PITPNC1: variants seen among roughly 807,000 people sequenced by gnomAD.
PITPNC1 encodes the protein cytoplasmic phosphatidylinositol transfer protein 1.
A neutral mutation model predicts 44.7 loss-of-function variants in PITPNC1; 18 were observed. The observed-to-expected ratio is 0.40, with a 90% confidence interval of 0.28 to 0.60. PITPNC1 has a LOEUF of 0.60. Among genes scored for constraint, PITPNC1 ranks in the 20% least tolerant of loss-of-function variants. The pLI is 0.39. For missense variants in PITPNC1, 290 were observed against 418.4 expected (o/e 0.69, Z 2.68); for synonymous variants, 141 against 149.6 (o/e 0.94, Z 0.42).
chr17:67,478,412 CCT>C (rs1210914149), intron 1 of PITPNC1, among the ~76,000 whole-genome samples: 2 of 152,106 alleles, frequency 1.3e-5, no homozygotes, highest in African/African-American at 4.8e-5. Flanking sequence ...CACAGCAGTC[CCT>C]GTTCAACCTC....
At chr17:67,526,166 A>T (rs994235477) in intron 1 of PITPNC1, among the ~76,000 whole-genome samples, 7 of 152,050 alleles carry the variant, frequency 4.6e-5, no homozygotes, top group African/African-American at 1.7e-4. Context: ...GAGGGCATAG[A>T]GATTGGTTGG....
chr17:67,584,359 A>G (rs1023761895), intron 5 of PITPNC1, among the ~76,000 whole-genome samples: 1 of 152,186 alleles, frequency 6.6e-6, no homozygotes, highest in Non-Finnish European at 1.5e-5. Context: ...TCCTGGAAAC[A>G]TGAAGCTCTG....
intron 1 of PITPNC1, among the ~76,000 whole-genome samples, chr17:67,484,799 G>A (rs983973215): frequency 2.0e-5 from 3 of 152,074 alleles, no homozygotes; most frequent in Non-Finnish European, 2.9e-5. Context: ...TTAGCCAGGT[G>A]TGATGGTGTG....
chr17:67,665,769 C>A (rs1468610507), intron 6 of PITPNC1, among the ~76,000 whole-genome samples: 6 of 152,102 alleles, frequency 3.9e-5, no homozygotes, highest in African/African-American at 9.7e-5. Flanking sequence ...ACAGGGGAAG[C>A]TTCAGAAGCA....
At chr17:67,562,475 A>G (rs1413495004) in intron 4 of PITPNC1, among the ~76,000 whole-genome samples, 1 of 151,488 alleles carries the variant, frequency 6.6e-6, no homozygotes, top group African/African-American at 2.4e-5. Flanking sequence ...ACTCTGATTC[A>G]TCCTCATCTC....
intron 6 of PITPNC1, among the ~76,000 whole-genome samples, chr17:67,643,913 G>A (rs2042117709): frequency 6.6e-6 from 1 of 152,202 alleles, no homozygotes; most frequent in Non-Finnish European, 1.5e-5. Context: ...GCCACCGTGA[G>A]TGGCGTCACA....
At chr17:67,574,685 C>T (rs1395192661) in intron 4 of PITPNC1, among the ~76,000 whole-genome samples, 1 of 152,196 alleles carries the variant, frequency 6.6e-6, no homozygotes, top group Non-Finnish European at 1.5e-5. Context: ...TGAGAGATTT[C>T]AGTGACGGCA....
chr17:67,422,045 C>T (rs1397142992), intron 1 of PITPNC1, among the ~76,000 whole-genome samples: 1 of 152,144 alleles, frequency 6.6e-6, no homozygotes, highest in Non-Finnish European at 1.5e-5. Context: ...CCTTAGAACT[C>T]AGGCAAGGTG....
chr17:67,657,540 G>A (rs1292959199), intron 6 of PITPNC1, among the ~76,000 whole-genome samples: 8 of 150,652 alleles, frequency 5.3e-5, no homozygotes, highest in South Asian at 2.1e-4. Context: ...CCCTATTGCC[G>A]AGTGCCTGTG....
chr17:67,447,052 T>C (rs1205235911), intron 1 of PITPNC1, among the ~76,000 whole-genome samples: 2 of 123,352 alleles, frequency 1.6e-5, no homozygotes, highest in Non-Finnish European at 3.2e-5. Context: ...ATTGTGCCAC[T>C]GCACTCCAGC....
At chr17:67,380,637 C>T (rs962066966) in intron 1 of PITPNC1, among the ~76,000 whole-genome samples, 21 of 152,132 alleles carry the variant, frequency 1.4e-4, no homozygotes, top group African/African-American at 4.6e-4. Context: ...AGATGTTAAA[C>T]CCCTAGAGTC....
At chr17:67,468,839 C>G (rs1231738361) in intron 1 of PITPNC1, among the ~76,000 whole-genome samples, 1 of 152,152 alleles carries the variant, frequency 6.6e-6, no homozygotes, top group Non-Finnish European at 1.5e-5. Context: ...AGCGATTCTC[C>G]TGCCTCAGCC....
chr17:67,609,663 G>T (rs1197077747), intron 5 of PITPNC1, among the ~76,000 whole-genome samples: 2 of 152,028 alleles, frequency 1.3e-5, no homozygotes, highest in Non-Finnish European at 2.9e-5. Flanking sequence ...GAGAGAGCAG[G>T]AAGAATCCCA....
At chr17:67,547,966 G>T (rs1161999681) in intron 2 of PITPNC1, among the ~76,000 whole-genome samples, 2 of 152,138 alleles carry the variant, frequency 1.3e-5, no homozygotes, top group African/African-American at 4.8e-5. Flanking sequence ...GGTGGTGGGG[G>T]GCGGCTATCC....
intron 1 of PITPNC1, among the ~76,000 whole-genome samples, chr17:67,397,891 A>C (rs2038243169): frequency 2.0e-5 from 3 of 152,130 alleles, no homozygotes; most frequent in Admixed American, 2.0e-4. Context: ...CAGGAAATCG[A>C]GACTATCCTG....
intron 5 of PITPNC1, among the ~76,000 whole-genome samples, chr17:67,624,375 C>T (rs1449637924): frequency 6.6e-6 from 1 of 152,026 alleles, no homozygotes; most frequent in Non-Finnish European, 1.5e-5. Context: ...CCACACCCAG[C>T]TCATTTTTAA....
At chr17:67,616,561 C>T (rs1381927390) in intron 5 of PITPNC1, among the ~76,000 whole-genome samples, 1 of 152,160 alleles carries the variant, frequency 6.6e-6, no homozygotes, top group Non-Finnish European at 1.5e-5. Flanking sequence ...GAATCTTCTT[C>T]CTCACCCTTT....
rs117471815 is a variant in PITPNC1, at chr17:67,439,444, A to G, written c.48+61242A>G. On this transcript the variant is annotated intron_variant, in intron 1 of 8. Transcript: ENST00000581322. ...CAGTGACAACCCACAGCCTCAGCTTATGGTATTTATTTAATCTTGTATCTG... is the reference window on the plus strand; with the variant it reads ...CAGTGACAACCCACAGCCTCAGCTTGTGGTATTTATTTAATCTTGTATCTG... Among the ~76,000 whole-genome samples, 52 of 152,258 alleles carry G rather than the reference A, an allele frequency of 3.4e-4. 1 individual carries two copies. In the East Asian group the frequency reaches 8.7e-3, roughly 25 times the overall value.
chr17:67,444,080 T>C (rs1598670173), intron 1 of PITPNC1, among the ~76,000 whole-genome samples: 1 of 152,206 alleles, frequency 6.6e-6, no homozygotes, highest in Non-Finnish European at 1.5e-5. Flanking sequence ...TGAACCCACA[T>C]GTACCCATCA....
Sources: gnomAD v4.1 joint callset for allele counts (sites outside exome capture counted in the v4.1 genomes callset) on GRCh38, gnomAD v4.1.1 for gene constraint, MANE v1.5 for transcripts, NCBI Gene and HGNC (gene_info 2026-07-23, HGNC 2026-07-21) for gene names.